Variants in PTPRD observed in about 807,000 individuals in gnomAD.
PTPRD encodes the protein receptor-type tyrosine-protein phosphatase delta.
Under a neutral mutation model 214.5 loss-of-function variants are expected in PTPRD, and 34 were observed. The ratio of observed to expected loss-of-function variants is 0.16; its 90% CI spans 0.12 to 0.21. The LOEUF is 0.21. Among genes scored for constraint, PTPRD ranks in the 10% least tolerant of loss-of-function variants. PTPRD has a pLI of 1.00. For synonymous variants in PTPRD, 1,128 were observed against 845.7 expected, an observed-to-expected ratio of 1.33 and a Z score of -5.79; for missense variants, 2,545 against 2,398.7, an observed-to-expected ratio of 1.06 and a Z score of -1.27.
At position 9,885,566 on chromosome 9, in the gene PTPRD, C is replaced by G. The variant is rs116292311; in HGVS notation, c.-368+52941G>C. 8.6e-3 allele frequency among the ~76,000 whole-genome samples: 1,313 copies of G among 151,934 alleles called. 16 individuals are homozygous for G. Among genetic ancestry groups the G allele is most frequent in the African/African-American group, 0.029 (1,222 of 41,424 alleles). Reference sequence around the variant, plus strand: ...TGTTAAGGATTTTGAGATGGGGGGACTAGTCTGAATTGTCTAGATAGACCC... The same window carrying G: ...TGTTAAGGATTTTGAGATGGGGGGAGTAGTCTGAATTGTCTAGATAGACCC... On this transcript the variant is annotated intron_variant, in intron 5 of 45. Coordinates refer to ENST00000381196, the MANE Select transcript of PTPRD (RefSeq NM_002839.4).
At position 10,049,407 on chromosome 9, in the gene PTPRD, A is replaced by AAAAGAAAG. The variant is rs1165910757; in HGVS notation, c.-544-15625_-544-15618dup. On this transcript the variant is annotated intron_variant, in intron 3 of 45. Coordinates refer to ENST00000381196, the MANE Select transcript of PTPRD (RefSeq NM_002839.4). Reference sequence around the variant, plus strand: ...AAGCAGCTTCTCTGGTTAAAAAAAAAAAAGAAAGAAAGAAAGAAAGAAAGA... The same window carrying AAAAGAAAG: ...AAGCAGCTTCTCTGGTTAAAAAAAAAAAAGAAAGAAAGAAAGAAAGAAAGAAAGAAAGA... Among the ~76,000 whole-genome samples the AAAAGAAAG allele has an allele frequency of 6.9e-3, 793 of 115,710 alleles. 8 individuals are homozygous for AAAAGAAAG. The highest frequency in any genetic ancestry group is 0.012 in the Middle Eastern group (3 of 246). The allele number at this position is 115,710 out of a possible 152,430, so 75.9% of individuals were successfully genotyped here.
chr9:8,446,439 G>A (rs1272324312), intron 34 of PTPRD, among the ~76,000 whole-genome samples: 2 of 152,128 alleles, frequency 1.3e-5, no homozygotes, highest in African/African-American at 4.8e-5. Flanking sequence ...CTTCTGAAAG[G>A]CCTACTGAAT....
At chr9:9,653,446 T>A (rs1594319009) in intron 7 of PTPRD, among the ~76,000 whole-genome samples, 1 of 150,490 alleles carries the variant, frequency 6.6e-6, no homozygotes, top group Non-Finnish European at 1.5e-5. Flanking sequence ...ATAGGTCCTT[T>A]GGTAAACTTA....
chr9:10,481,690 T>A (rs1447264337), intron 2 of PTPRD, among the ~76,000 whole-genome samples: 1 of 152,228 alleles, frequency 6.6e-6, no homozygotes, highest in African/African-American at 2.4e-5. Context: ...CATTAAATGT[T>A]AAAAATCCTC....
intron 10 of PTPRD, among the ~76,000 whole-genome samples, chr9:9,091,448 G>A (rs2099775726): frequency 1.3e-5 from 2 of 152,116 alleles, no homozygotes; most frequent in South Asian, 4.1e-4. Flanking sequence ...CTTGCAGATT[G>A]TTTCCCAAGA....
chr9:9,940,181 A>T (rs1259470247), intron 4 of PTPRD, among the ~76,000 whole-genome samples: 5 of 152,124 alleles, frequency 3.3e-5, no homozygotes. Context: ...TAAGAGTCAG[A>T]TATATAGTGG....
At chr9:9,338,586 C>T (rs7036675) in intron 9 of PTPRD, among the ~76,000 whole-genome samples, 127,283 of 152,144 alleles carry the variant, frequency 0.84, 53,633 homozygotes, top group East Asian at 1. Flanking sequence ...CCCAGCTAAA[C>T]TATTGGTATA....
At chr9:9,664,286 A>G (rs1171531747) in intron 7 of PTPRD, among the ~76,000 whole-genome samples, 3 of 151,640 alleles carry the variant, frequency 2.0e-5, no homozygotes, top group East Asian at 1.9e-4. Flanking sequence ...GCTATTAGTG[A>G]ATAACTTGAT....
intron 4 of PTPRD, among the ~76,000 whole-genome samples, chr9:9,972,775 G>A (rs964820635): frequency 6.6e-6 from 1 of 151,990 alleles, no homozygotes; most frequent in Non-Finnish European, 1.5e-5. Context: ...GTGGCTTACG[G>A]GCATCATTAC....
Position 9,715,813 on chromosome 9 carries a change from C to A in PTPRD, c.-287+18720G>T, listed in dbSNP as rs4300053. Among the ~76,000 whole-genome samples, 163 of 152,096 alleles carry A rather than the reference C, an allele frequency of 1.1e-3. 1 individual carries two copies. The Middle Eastern group carries it at 0.037, about 35-fold the overall frequency. On this transcript the variant is annotated intron_variant, in intron 7 of 45. Coordinates refer to ENST00000381196, the MANE Select transcript of PTPRD (RefSeq NM_002839.4). The stretch of plus-strand genomic sequence containing the variant: ...CAGAATATATAATTCTAACACGGAC[C>A]CCTTTAATAATCAAACTGTTGCTAA...
intron 9 of PTPRD, among the ~76,000 whole-genome samples, chr9:9,220,715 A>G (rs890893618): frequency 1.3e-5 from 2 of 152,132 alleles, no homozygotes; most frequent in African/African-American, 4.8e-5. Context: ...CATATACTGT[A>G]AAATGTAATT....
chr9:8,683,863 G>GT (rs2097607439), intron 12 of PTPRD, among the ~76,000 whole-genome samples: 2 of 152,168 alleles, frequency 1.3e-5, no homozygotes, highest in African/African-American at 4.8e-5. Flanking sequence ...GGGCTAAGAC[G>GT]TAAGGGTTCC....
At chr9:10,358,978 G>C (rs1173268467) in intron 2 of PTPRD, among the ~76,000 whole-genome samples, 1 of 151,822 alleles carries the variant, frequency 6.6e-6, no homozygotes, top group East Asian at 1.9e-4. Context: ...TCACATCTTT[G>C]TTTTAATATT....
intron 3 of PTPRD, among the ~76,000 whole-genome samples, chr9:10,256,053 T>C (rs1027524292): frequency 6.6e-6 from 1 of 152,210 alleles, no homozygotes; most frequent in African/African-American, 2.4e-5. Context: ...CAAACACTAC[T>C]GTAAACTGCA....
At chr9:9,063,226 T>A (rs187650592) in intron 10 of PTPRD, among the ~76,000 whole-genome samples, 10 of 152,246 alleles carry the variant, frequency 6.6e-5, no homozygotes, top group African/African-American at 2.2e-4. Context: ...TAATATGAGA[T>A]AGAAAAAAAC....
chr9:10,433,007 TA>T (rs2098693296), intron 2 of PTPRD, among the ~76,000 whole-genome samples: 1 of 151,980 alleles, frequency 6.6e-6, no homozygotes, highest in South Asian at 2.1e-4. Context: ...TCCCTGTTAC[TA>T]ATATAGCTCC....
intron 39 of PTPRD, among the ~76,000 whole-genome samples, chr9:8,373,008 C>G (rs561449635): frequency 6.6e-6 from 1 of 151,912 alleles, no homozygotes; most frequent in Non-Finnish European, 1.5e-5. Flanking sequence ...AATCACAACA[C>G]AAAATACAGT....
intron 4 of PTPRD, among the ~76,000 whole-genome samples, chr9:9,944,785 T>C (rs2092304840): frequency 6.6e-6 from 1 of 151,698 alleles, no homozygotes; most frequent in Non-Finnish European, 1.5e-5. Flanking sequence ...TAAATTTGAG[T>C]AAGTTATTTT....
At chr9:8,545,698 A>G (rs757832205) in intron 14 of PTPRD, among the ~76,000 whole-genome samples, 1 of 152,206 alleles carries the variant, frequency 6.6e-6, no homozygotes, top group Non-Finnish European at 1.5e-5. Context: ...ATTAAAGTAC[A>G]TTATTTCTAC....
Sources: gnomAD v4.1 joint callset for allele counts (sites outside exome capture counted in the v4.1 genomes callset) on GRCh38, gnomAD v4.1.1 for gene constraint, MANE v1.5 for transcripts, NCBI Gene and HGNC (gene_info 2026-07-23, HGNC 2026-07-21) for gene names.